ZNF804A: variants seen among roughly 807,000 people sequenced by gnomAD.
ZNF804A encodes zinc finger protein 804A.
In ZNF804A, 2 loss-of-function variants were observed where a neutral mutation model predicts 16.5. The observed-to-expected ratio is 0.12, with a 90% CI of 0.05 to 0.38. The LOEUF (loss-of-function observed/expected upper bound fraction) is 0.38, where lower values mean the gene tolerates loss of function less well. Ranked by LOEUF, ZNF804A falls within the 10% of genes least tolerant of loss-of-function variation. The pLI, the probability that ZNF804A is intolerant of heterozygous loss-of-function variation, is 0.99. For missense variants in ZNF804A, 1,473 were observed against 1,390.7 expected, an observed-to-expected ratio of 1.06 and a Z score of -0.94; for synonymous variants, 534 against 489.6, an observed-to-expected ratio of 1.09 and a Z score of -1.20.
intron 1 of ZNF804A, among the ~76,000 whole-genome samples, chr2:184,749,073 CT>C (rs1399189606): frequency 2.0e-5 from 3 of 151,058 alleles, no homozygotes; most frequent in Non-Finnish European, 4.4e-5. Flanking sequence ...ATTTGGGCTC[CT>C]TTTTGGTTCG....
At chr2:184,911,685 C>T (rs1478812774) in intron 2 of ZNF804A, among the ~76,000 whole-genome samples, 1 of 150,418 alleles carries the variant, frequency 6.6e-6, no homozygotes, top group Non-Finnish European at 1.5e-5. Flanking sequence ...GGAGACCTTT[C>T]ACCTCCTTGG....
intron 1 of ZNF804A, among the ~76,000 whole-genome samples, chr2:184,630,881 A>G (rs563439096): frequency 6.6e-6 from 1 of 152,276 alleles, no homozygotes; most frequent in South Asian, 2.1e-4. Flanking sequence ...AAATACATTA[A>G]AAATATTTTA....
At chr2:184,688,326 TTCTC>T (rs1180367100) in intron 1 of ZNF804A, among the ~76,000 whole-genome samples, 5 of 144,114 alleles carry the variant, frequency 3.5e-5, no homozygotes, top group South Asian at 2.2e-4. Flanking sequence ...ATCTTTTTCT[TTCTC>T]TCTCTCTCTC....
intron 1 of ZNF804A, among the ~76,000 whole-genome samples, chr2:184,686,092 G>A (rs983873353): frequency 1.3e-5 from 2 of 152,218 alleles, no homozygotes; most frequent in Admixed American, 1.3e-4. Flanking sequence ...ACACTGGAGT[G>A]GGTGCTGGGT....
chr2:184,731,735 A>G (rs1693525364), intron 1 of ZNF804A, among the ~76,000 whole-genome samples: 1 of 151,470 alleles, frequency 6.6e-6, no homozygotes, highest in South Asian at 2.1e-4. Context: ...CTACCTGGCT[A>G]TTTTTTATTT....
intron 1 of ZNF804A, among the ~76,000 whole-genome samples, chr2:184,675,292 A>G (rs1436328293): frequency 2.0e-5 from 3 of 151,784 alleles, no homozygotes; most frequent in Non-Finnish European, 4.4e-5. Context: ...TATTATGACT[A>G]TCTTAAAGTA....
At chr2:184,927,009 T>C (rs373884458) in intron 2 of ZNF804A, among the ~76,000 whole-genome samples, 3 of 152,326 alleles carry the variant, frequency 2.0e-5, no homozygotes, top group East Asian at 3.9e-4. Context: ...GTCCATCATG[T>C]CTTATTTGGT....
intron 1 of ZNF804A, among the ~76,000 whole-genome samples, chr2:184,668,162 T>A (rs1243274371): frequency 6.6e-6 from 1 of 151,846 alleles, no homozygotes; most frequent in East Asian, 1.9e-4. Context: ...TTAAAAAATG[T>A]TTAATAAATT....
intron 1 of ZNF804A, among the ~76,000 whole-genome samples, chr2:184,864,875 ATTTTTTT>A (rs34114485): frequency 2.0e-4 from 21 of 105,468 alleles, no homozygotes; most frequent in African/African-American, 9.5e-4. Context: ...TATAGTTAGG[ATTTTTTT>A]TTTTTTTTTT....
intron 2 of ZNF804A, among the ~76,000 whole-genome samples, chr2:184,881,014 C>CAATAA (rs916937457): frequency 6.6e-6 from 1 of 151,762 alleles, no homozygotes; most frequent in African/African-American, 2.4e-5. Context: ...GAATTCTAAG[C>CAATAA]AATAAAATAA....
chr2:184,835,924 A>C (rs757240346), intron 1 of ZNF804A, among the ~76,000 whole-genome samples: 1 of 152,142 alleles, frequency 6.6e-6, no homozygotes, highest in Non-Finnish European at 1.5e-5. Context: ...ATAATAAATA[A>C]GATATTTGTT....
At chr2:184,768,786 G>A (rs1046871592) in intron 1 of ZNF804A, among the ~76,000 whole-genome samples, 6 of 151,926 alleles carry the variant, frequency 3.9e-5, no homozygotes, top group Non-Finnish European at 8.8e-5. Context: ...AAATAATTAA[G>A]TTTATATTTA....
intron 1 of ZNF804A, among the ~76,000 whole-genome samples, chr2:184,670,971 C>T (rs562714155): frequency 6.6e-6 from 1 of 152,218 alleles, no homozygotes; most frequent in East Asian, 1.9e-4. Flanking sequence ...TAGCATCTAC[C>T]TGGGGCTTCT....
At chr2:184,777,680 T>C (rs1323626345) in intron 1 of ZNF804A, among the ~76,000 whole-genome samples, 1 of 151,722 alleles carries the variant, frequency 6.6e-6, no homozygotes, top group East Asian at 1.9e-4. Context: ...TTTTAAAAAA[T>C]CCTTTAATTT....
intron 1 of ZNF804A, among the ~76,000 whole-genome samples, chr2:184,841,751 A>G (rs1695439670): frequency 1.3e-5 from 2 of 152,154 alleles, no homozygotes; most frequent in Non-Finnish European, 2.9e-5. Flanking sequence ...TTTAATTTAT[A>G]TTAAAATCTG....
At chr2:184,745,695 T>C (rs1693780038) in intron 1 of ZNF804A, among the ~76,000 whole-genome samples, 1 of 151,326 alleles carries the variant, frequency 6.6e-6, no homozygotes, top group African/African-American at 2.4e-5. Context: ...TTTTATTTTC[T>C]TAGCACAGAT....
At chr2:184,752,435 C>T (rs1693890618) in intron 1 of ZNF804A, among the ~76,000 whole-genome samples, 1 of 151,366 alleles carries the variant, frequency 6.6e-6, no homozygotes, top group Non-Finnish European at 1.5e-5. Flanking sequence ...AATGAGTACA[C>T]ATGGACATAA....
At chr2:184,610,498 T>C (rs1301263010) in intron 1 of ZNF804A, among the ~76,000 whole-genome samples, 2 of 151,656 alleles carry the variant, frequency 1.3e-5, no homozygotes, top group African/African-American at 4.8e-5. Flanking sequence ...TAATGAGAAG[T>C]GTGTAGTGAT....
At chr2:184,772,770 T>G (rs1024577523) in intron 1 of ZNF804A, among the ~76,000 whole-genome samples, 2 of 151,504 alleles carry the variant, frequency 1.3e-5, no homozygotes, top group Admixed American at 6.6e-5. Context: ...CCCATATCCT[T>G]ACCAACCTTT....
Sources: allele counts gnomAD v4.1 joint callset (sites outside exome capture counted in the v4.1 genomes callset), GRCh38; gene constraint gnomAD v4.1.1; transcripts MANE v1.5; gene names NCBI Gene and HGNC (gene_info 2026-07-23, HGNC 2026-07-21).